The following ZNF385D variants were observed in gnomAD, a reference collection of about 807,000 sequenced individuals.
The protein encoded by ZNF385D is zinc finger protein 659.
ZNF385D carries 15 observed loss-of-function variants against 35.8 expected under a neutral mutation model. The ratio of observed to expected loss-of-function variants is 0.42; its 90% CI spans 0.28 to 0.64. ZNF385D has a LOEUF of 0.64. Ranked by LOEUF, ZNF385D falls within the 30% of genes least tolerant of loss-of-function variation. The pLI is 0.23. For synonymous variants in ZNF385D, 212 were observed against 186.8 expected, an observed-to-expected ratio of 1.13 and a Z score of -1.10; for missense variants, 474 against 494.6, an observed-to-expected ratio of 0.96 and a Z score of 0.39.
intron 3 of ZNF385D, among the ~76,000 whole-genome samples, chr3:22,041,877 A>G (rs114788351): frequency 2.0e-3 from 301 of 152,254 alleles, no homozygotes; most frequent in African/African-American, 7.0e-3. Flanking sequence ...ATCAGGTTAT[A>G]ATATCTGTGT....
intron 2 of ZNF385D, among the ~76,000 whole-genome samples, chr3:22,253,989 T>C (rs1700187901): frequency 6.6e-6 from 1 of 151,972 alleles, no homozygotes; most frequent in African/African-American, 2.4e-5. Context: ...AAAGAAATGA[T>C]AGAAATTTTG....
chr3:22,073,380 T>C (rs1008471467), intron 3 of ZNF385D, among the ~76,000 whole-genome samples: 1 of 146,856 alleles, frequency 6.8e-6, no homozygotes, highest in Non-Finnish European at 1.5e-5. Flanking sequence ...CAGGGTGGGG[T>C]GGGTGAGAGG....
intron 1 of ZNF385D, among the ~76,000 whole-genome samples, chr3:21,693,441 A>G (rs897853811): frequency 2.6e-5 from 4 of 152,198 alleles, no homozygotes; most frequent in African/African-American, 9.6e-5. Context: ...CACTTACAGT[A>G]TAGACCCTTG....
intron 2 of ZNF385D, among the ~76,000 whole-genome samples, chr3:22,287,178 A>T (rs35150487): frequency 6.6e-6 from 1 of 152,122 alleles, no homozygotes; most frequent in African/African-American, 2.4e-5. Flanking sequence ...TACGTTGTCT[A>T]ATATAAGTAT....
At chr3:21,585,914 G>A (rs531064778) in intron 2 of ZNF385D, among the ~76,000 whole-genome samples, 41 of 152,128 alleles carry the variant, frequency 2.7e-4, no homozygotes, top group Admixed American at 9.8e-4. Context: ...CATGTCTGTA[G>A]TCCTAGTACT....
chr3:22,256,276 T>C (rs1700313602), intron 2 of ZNF385D, among the ~76,000 whole-genome samples: 1 of 151,018 alleles, frequency 6.6e-6, no homozygotes, highest in Admixed American at 6.6e-5. Context: ...GTTTTGTCCC[T>C]CTAGAGAACC....
At chr3:21,877,890 T>G (rs1698066343) in intron 3 of ZNF385D, 1 of 152,056 alleles carries the variant, frequency 6.6e-6, no homozygotes, top group Admixed American at 6.6e-5. Flanking sequence ...ATGAACTTCT[T>G]CAATACATCT....
At chr3:22,013,723 A>C (rs771354126) in intron 3 of ZNF385D, among the ~76,000 whole-genome samples, 4 of 152,126 alleles carry the variant, frequency 2.6e-5, no homozygotes, top group Non-Finnish European at 5.9e-5. Flanking sequence ...TAAGAGACTG[A>C]CAAAGCAGGT....
chr3:22,287,812 T>C (rs115932814), intron 2 of ZNF385D, among the ~76,000 whole-genome samples: 5,175 of 152,114 alleles, frequency 0.034, 109 homozygotes, highest in Non-Finnish European at 0.053. Context: ...TATTAGAATG[T>C]TTTAAATCTA....
chr3:22,010,273 A>C (rs968242143), intron 3 of ZNF385D, among the ~76,000 whole-genome samples: 1 of 152,224 alleles, frequency 6.6e-6, no homozygotes, highest in Non-Finnish European at 1.5e-5. Flanking sequence ...TTGTTGCTAT[A>C]AACACCGATG....
rs767478348 is a variant in ZNF385D, at chr3:21,748,700, T to G, written c.22+2195A>C. 4.9e-4 allele frequency among the ~76,000 whole-genome samples: 74 copies of G among 152,306 alleles called. 1 individual carries two copies. In the Middle Eastern group the frequency reaches 0.014, roughly 28 times the overall value. ...AAGAAGAAAGTAATGGCCAACCAAT[T>G]TGCAAAGTGAAAGCATTGCTTGGAA... On this transcript the variant is annotated intron_variant, in intron 1 of 7. Coordinates refer to ENST00000281523, the MANE Select transcript of ZNF385D (RefSeq NM_024697.3).
At chr3:21,687,354 TA>T (rs1210086398) in intron 1 of ZNF385D, among the ~76,000 whole-genome samples, 1 of 152,230 alleles carries the variant, frequency 6.6e-6, no homozygotes, top group Non-Finnish European at 1.5e-5. Flanking sequence ...GTTCGTTTGT[TA>T]AGTAGCAATA....
At chr3:21,858,019 G>A (rs770225454) in intron 3 of ZNF385D, among the ~76,000 whole-genome samples, 2 of 151,812 alleles carry the variant, frequency 1.3e-5, no homozygotes, top group African/African-American at 2.4e-5. Context: ...AAATTTAGTT[G>A]GTCATGGTGG....
chr3:21,999,459 G>GA (rs530370598), intron 3 of ZNF385D, among the ~76,000 whole-genome samples: 9 of 151,880 alleles, frequency 5.9e-5, no homozygotes, highest in Non-Finnish European at 1.2e-4. Flanking sequence ...AAAATTAAGA[G>GA]AAAAAAATCA....
At chr3:22,206,320 A>G (rs967344515) in intron 2 of ZNF385D, among the ~76,000 whole-genome samples, 1 of 152,036 alleles carries the variant, frequency 6.6e-6, no homozygotes, top group Non-Finnish European at 1.5e-5. Flanking sequence ...AGACCCTAAT[A>G]CAATAGCCGC....
intron 3 of ZNF385D, among the ~76,000 whole-genome samples, chr3:21,823,557 G>C (rs1264326056): frequency 1.3e-5 from 2 of 152,186 alleles, no homozygotes; most frequent in East Asian, 1.9e-4. Context: ...CCTCTCTCTG[G>C]GGATGAAGTC....
intron 2 of ZNF385D, among the ~76,000 whole-genome samples, chr3:21,584,511 C>CT (rs1276374324): frequency 6.6e-6 from 1 of 152,034 alleles, no homozygotes; most frequent in Non-Finnish European, 1.5e-5. Flanking sequence ...TATTAGACTT[C>CT]TTTTTTATGC....
intron 1 of ZNF385D, among the ~76,000 whole-genome samples, chr3:21,709,831 A>G (rs2068036018): frequency 6.6e-6 from 1 of 152,244 alleles, no homozygotes; most frequent in Non-Finnish European, 1.5e-5. Context: ...AAACTTTACG[A>G]AAAACCTATT....
In ZNF385D at chr3:22,050,693, A is replaced by G. The variant is rs140740285; in HGVS notation, c.325+118124T>C. ...TACCAGATGAACTCAGCAGTTTTTA[A>G]TGAGTTAATTTCTCCGATTTTATCT... is the stretch of plus-strand genomic sequence containing the variant. On this transcript the variant is annotated intron_variant, in intron 3 of 5. Transcript: ENST00000494108. 1.6e-3 allele frequency among the ~76,000 whole-genome samples: 240 copies of G among 152,328 alleles called. 1 individual carries two copies. The highest frequency in any genetic ancestry group is 5.5e-3 in the African/African-American group (229 of 41,578).
Sources: allele counts gnomAD v4.1 joint callset (sites outside exome capture counted in the v4.1 genomes callset), GRCh38; gene constraint gnomAD v4.1.1; transcripts MANE v1.5; gene names NCBI Gene and HGNC (gene_info 2026-07-23, HGNC 2026-07-21).